Variants in MYO1F observed in about 807,000 individuals in gnomAD.
MYO1F encodes the protein myosin IF, also known as unconventional myosin-If.
MYO1F carries 60 observed loss-of-function variants against 146.6 expected under a neutral mutation model. That is an observed-to-expected ratio of 0.41 (90% CI 0.33 to 0.51). MYO1F has a LOEUF of 0.51. Among genes scored for constraint, MYO1F ranks in the 20% least tolerant of loss-of-function variants. The pLI is 0.25. For missense variants in MYO1F, 1,274 were observed against 1,534.3 expected, an observed-to-expected ratio of 0.83 and a Z score of 2.83; for synonymous variants, 602 against 602.1, an observed-to-expected ratio of 1.00 and a Z score of 0.00.
intron 14 of MYO1F, among the ~76,000 whole-genome samples, chr19:8,543,645 G>GTGGTGGTGC: frequency 6.9e-6 from 1 of 145,938 alleles, no homozygotes; most frequent in South Asian, 2.2e-4. Flanking sequence ...CACGGTGGTG[G>GTGGTGGTGC]TGGTGGTGCT....
chr19:8,553,211 G>A lies in MYO1F; in HGVS notation c.432C>T (p.Ile144=). 6.2e-7 allele frequency: 1 copy of A among 1,614,198 alleles called. No individual in the cohort carries two copies. ...GEKVQHVKDI[I]LQSNPLLEAF... Reference sequence around the variant, plus strand: ...CCTCGAGCAGCGGGTTGGACTGCAGGATGATATCTTTGACGTGCTGGGGCA... The same window carrying A: ...CCTCGAGCAGCGGGTTGGACTGCAGAATGATATCTTTGACGTGCTGGGGCA... Residue 144 remains isoleucine (I), a synonymous_variant, in exon 6 of 28, where the codon ATC becomes ATT. Transcript: ENST00000644032.
At chr19:8,553,597 G>T (rs373839567) in intron 4 of MYO1F, among the ~76,000 whole-genome samples, 160 bp from the exon 5 acceptor site, 3 of 152,146 alleles carry the variant, frequency 2.0e-5, no homozygotes, top group East Asian at 3.9e-4. Flanking sequence ...TCTCAGCCGG[G>T]CATGGTGGCT....
At chr19:8,558,060 G>A (rs376892184) in intron 1 of MYO1F, among the ~76,000 whole-genome samples, 22 of 152,142 alleles carry the variant, frequency 1.4e-4, no homozygotes, top group African/African-American at 4.8e-4. Flanking sequence ...TGCCCCTGCC[G>A]TGGCCTTCTC....
intron 1 of MYO1F, among the ~76,000 whole-genome samples, chr19:8,575,557 A>G (rs2146005344): frequency 6.6e-6 from 1 of 152,006 alleles, no homozygotes; most frequent in Non-Finnish European, 1.5e-5. Flanking sequence ...ATGGTTTCTA[A>G]CAGACAGACC....
chr19:8,577,208 T>C lies in MYO1F; in HGVS notation c.3+99A>G, dbSNP rs1317502464. 4 of 1,422,216 alleles carry C rather than the reference T, an allele frequency of 2.8e-6. No homozygotes were observed. The Admixed American group carries it at 7.7e-5, about 28-fold the overall frequency. 88.1% of individuals were successfully genotyped at this position (1,422,216 alleles called of 1,614,324 possible). A position where few individuals can be genotyped will look rare whatever the true frequency, so the allele number is the denominator to read the frequency against. On this transcript the variant is annotated intron_variant, in intron 1 of 27. Transcript: ENST00000644032. This position sits in a 1 kb window ranked among gnomAD's most constrained non-coding sequence, Gnocchi z 4.3. ...CCCCCACAGAAGTCCACCATGCCCCTCCCCTCACCCCAATTTCTGATGGTC... is the reference window on the plus strand; with the variant it reads ...CCCCCACAGAAGTCCACCATGCCCCCCCCCTCACCCCAATTTCTGATGGTC...
intron 19 of MYO1F, among the ~76,000 whole-genome samples, chr19:8,535,437 TC>T (rs1213702244): frequency 1.3e-5 from 2 of 152,074 alleles, no homozygotes; most frequent in African/African-American, 4.8e-5. Context: ...TTTTCTTTTT[TC>T]TTTTTGTCTT....
chr19:8,560,476 A>G (rs1377398597), intron 1 of MYO1F, among the ~76,000 whole-genome samples: 2 of 140,322 alleles, frequency 1.4e-5, no homozygotes, highest in Admixed American at 7.8e-5. Context: ...ACATAGCGAG[A>G]CTTGGTCTTA....
At chr19:8,575,171 G>A (rs537252555) in intron 1 of MYO1F, among the ~76,000 whole-genome samples, 1 of 151,614 alleles carries the variant, frequency 6.6e-6, no homozygotes, top group South Asian at 2.1e-4. Flanking sequence ...CCGCCTCCCG[G>A]GTTCAAGCGA....
intron 9 of MYO1F, 70 bp downstream of exon 9, chr19:8,550,492 G>C: frequency 6.2e-7 from 1 of 1,612,784 alleles, no homozygotes; most frequent in Non-Finnish European, 8.5e-7. Context: ...CTTCCTGGGG[G>C]CTGAGCTAGG....
chr19:8,568,517 C>A (rs186789321), intron 1 of MYO1F, among the ~76,000 whole-genome samples: 3 of 149,898 alleles, frequency 2.0e-5, no homozygotes, highest in Admixed American at 6.7e-5. Flanking sequence ...GGAGGATAGT[C>A]GAGAATTTTG....
chr19:8,525,380 G>A (rs956583487), intron 25 of MYO1F, 99 bp downstream of exon 25: 1 of 1,006,552 alleles, frequency 9.9e-7, no homozygotes, highest in South Asian at 1.3e-5. Flanking sequence ...AGAAGTGAGT[G>A]GTAAACTGTG....
rs749205031 is a variant in MYO1F at position 8,536,993 on chromosome 19, G to A, written c.1755C>T (p.Ile585=). The A allele has an allele frequency of 1.9e-6, 3 of 1,613,518 alleles. No individual in the cohort carries two copies. The highest frequency in any genetic ancestry group is 2.5e-6 in the Non-Finnish European group (3 of 1,179,858). The change falls in exon 17 of 28, where the codon ATC becomes ATT. Residue 585 remains isoleucine, a synonymous_variant. Coordinates refer to ENST00000644032, the MANE Select transcript of MYO1F (RefSeq NM_012335.4). ...MRCTPHYIRC[I]KPNETKRPRD... ...GGGGCCTCTTGGTCTCGTTGGGTTT[G>A]ATGCAGCGGATGTAGTGGGGTGTGC...
At chr19:8,552,250 C>T in intron 6 of MYO1F, 86 bp from the exon 7 acceptor site, 1 of 1,391,398 alleles carries the variant, frequency 7.2e-7, no homozygotes, top group Non-Finnish European at 1.0e-6. Flanking sequence ...TGAGCCTTGC[C>T]TCTCTTCCCT....
chr19:8,553,894 A>ACACTCTCTCT, intron 4 of MYO1F, among the ~76,000 whole-genome samples: 118 of 102,662 alleles, frequency 1.1e-3, no homozygotes, highest in African/African-American at 4.1e-3. Context: ...ACACACACAC[A>ACACTCTCTCT]CTCTCTCTCT....
intron 8 of MYO1F, chr19:8,551,524 G>C: frequency 1.7e-6 from 1 of 588,062 alleles, no homozygotes; most frequent in East Asian, 3.2e-5. Flanking sequence ...GCTAATTTTT[G>C]TATTTTAAGT....
At chr19:8,558,577 A>G (rs1288974342) in intron 1 of MYO1F, among the ~76,000 whole-genome samples, 1 of 152,078 alleles carries the variant, frequency 6.6e-6, no homozygotes, top group Non-Finnish European at 1.5e-5. Context: ...GACTGAATTT[A>G]TCTAGTGCCT....
chr19:8,544,045 T>C (rs1192053176), intron 14 of MYO1F: 10 of 496,390 alleles, frequency 2.0e-5, no homozygotes, highest in Middle Eastern at 5.4e-4. Context: ...GCGGTGCTGG[T>C]GGTGGTGGTG....
chr19:8,554,627 G>A, intron 3 of MYO1F, 27 bp downstream of exon 3: 1 of 1,612,704 alleles, frequency 6.2e-7, no homozygotes, highest in Non-Finnish European at 8.5e-7. Flanking sequence ...TCTGGGGGCT[G>A]TGCCTCCCAC....
At chr19:8,558,839 A>G (rs1209175872) in intron 1 of MYO1F, among the ~76,000 whole-genome samples, 1 of 152,094 alleles carries the variant, frequency 6.6e-6, no homozygotes, top group Non-Finnish European at 1.5e-5. Context: ...CCAGATTCAG[A>G]GCAAAAACCA....
Sources: gnomAD v4.1 joint callset for allele counts (sites outside exome capture counted in the v4.1 genomes callset) on GRCh38, gnomAD v4.1.1 for gene constraint, Gnocchi (gnomAD v3.1) non-coding constraint, MANE v1.5 for transcripts, NCBI Gene and HGNC (gene_info 2026-07-23, HGNC 2026-07-21) for gene names.